Variants in PARD3B observed in about 807,000 individuals in gnomAD.
PARD3B encodes the protein par-3 family cell polarity regulator beta, also known as partitioning defective 3 homolog B.
Under a neutral mutation model 130.2 loss-of-function variants are expected in PARD3B, and 103 were observed. The observed-to-expected ratio is 0.79, with a 90% confidence interval of 0.67 to 0.93. PARD3B has a LOEUF of 0.93. Among genes scored for constraint, PARD3B ranks in the 40% least tolerant of loss-of-function variants. The pLI, the probability that PARD3B is intolerant of heterozygous loss-of-function variation, is 0.00. For missense variants in PARD3B, 1,609 were observed against 1,499.2 expected, an observed-to-expected ratio of 1.07 and a Z score of -1.21; for synonymous variants, 583 against 553.2, an observed-to-expected ratio of 1.05 and a Z score of -0.76.
At chr2:205,480,599 A>T (rs1172507991) in intron 20 of PARD3B, among the ~76,000 whole-genome samples, 1 of 152,162 alleles carries the variant, frequency 6.6e-6, no homozygotes, top group East Asian at 1.9e-4. Context: ...TGCTCAATAA[A>T]TATTTGCAAA....
chr2:204,653,585 G>T (rs1385939821), intron 1 of PARD3B, among the ~76,000 whole-genome samples: 2 of 150,724 alleles, frequency 1.3e-5, no homozygotes, highest in Non-Finnish European at 2.9e-5. Context: ...GAGGTCAGGA[G>T]TTTGAGACCA....
At chr2:204,564,039 G>T (rs903664674) in intron 1 of PARD3B, among the ~76,000 whole-genome samples, 1 of 152,196 alleles carries the variant, frequency 6.6e-6, no homozygotes, top group Non-Finnish European at 1.5e-5. Flanking sequence ...CTCCCAAAGT[G>T]CTGGGATTGC....
intron 16 of PARD3B, among the ~76,000 whole-genome samples, chr2:205,259,539 T>C (rs1291885871): frequency 6.6e-6 from 1 of 152,136 alleles, no homozygotes; most frequent in East Asian, 1.9e-4. Context: ...GGTTTTGGTG[T>C]AGATTTCTTT....
At chr2:204,964,761 C>T (rs1026606860) in intron 2 of PARD3B, among the ~76,000 whole-genome samples, 2 of 151,988 alleles carry the variant, frequency 1.3e-5, no homozygotes, top group Non-Finnish European at 2.9e-5. Flanking sequence ...CTATTTAAGT[C>T]TATTATTCAA....
chr2:204,986,083 A>G (rs1185593321), intron 3 of PARD3B, among the ~76,000 whole-genome samples: 6 of 133,206 alleles, frequency 4.5e-5, no homozygotes, highest in Non-Finnish European at 7.8e-5. Context: ...CCTGGACAAC[A>G]GAGCGAGACT....
intron 16 of PARD3B, among the ~76,000 whole-genome samples, chr2:205,264,536 A>G (rs1307776264): frequency 2.0e-5 from 3 of 151,144 alleles, no homozygotes; most frequent in Non-Finnish European, 4.4e-5. Context: ...CAGAAAAATG[A>G]GATCTTTGTT....
chr2:205,468,804 C>A (rs372965411), intron 20 of PARD3B, among the ~76,000 whole-genome samples: 3 of 152,274 alleles, frequency 2.0e-5, no homozygotes, highest in East Asian at 3.9e-4. Context: ...CCTCAAGCTC[C>A]CTACATGCAT....
intron 1 of PARD3B, among the ~76,000 whole-genome samples, chr2:204,609,225 C>A (rs2033838995): frequency 6.6e-6 from 1 of 152,130 alleles, no homozygotes; most frequent in Non-Finnish European, 1.5e-5. Context: ...CTAACATCAA[C>A]TTATTTTTTA....
chr2:204,832,775 C>T (rs1001604344), intron 2 of PARD3B, among the ~76,000 whole-genome samples: 5 of 152,132 alleles, frequency 3.3e-5, no homozygotes, highest in African/African-American at 1.2e-4. Flanking sequence ...TTCTCTCCCT[C>T]AGTGTAGTAG....
chr2:204,662,113 T>C (rs2035835353), intron 1 of PARD3B, among the ~76,000 whole-genome samples: 1 of 152,232 alleles, frequency 6.6e-6, no homozygotes, highest in Admixed American at 6.5e-5. Context: ...ATGGAACTGT[T>C]ATCCACACGT....
intron 3 of PARD3B, among the ~76,000 whole-genome samples, chr2:205,016,200 T>C (rs1401198329): frequency 6.6e-6 from 1 of 152,196 alleles, no homozygotes; most frequent in East Asian, 1.9e-4. Flanking sequence ...GGATTTAAAG[T>C]ATTCTCTAAG....
intron 2 of PARD3B, among the ~76,000 whole-genome samples, chr2:204,827,702 C>G (rs1329935374): frequency 6.6e-6 from 1 of 152,166 alleles, no homozygotes; most frequent in Non-Finnish European, 1.5e-5. Flanking sequence ...AAATTCCAAG[C>G]ACTTCAAAAA....
At chr2:205,201,504 T>C (rs2036984554) in intron 15 of PARD3B, among the ~76,000 whole-genome samples, 1 of 152,244 alleles carries the variant, frequency 6.6e-6, no homozygotes, top group Admixed American at 6.5e-5. Context: ...AGGTTCTTTT[T>C]ATTTTTTGTT....
chr2:205,335,850 C>T (rs548306549), intron 18 of PARD3B, among the ~76,000 whole-genome samples: 11 of 152,052 alleles, frequency 7.2e-5, no homozygotes, highest in South Asian at 2.1e-4. Context: ...AGGTAAGACC[C>T]GCACAGGTAA....
At chr2:205,157,130 A>T (rs1450860084) in intron 10 of PARD3B, among the ~76,000 whole-genome samples, 1 of 152,198 alleles carries the variant, frequency 6.6e-6, no homozygotes, top group East Asian at 1.9e-4. Context: ...TTGCACTTTA[A>T]TTCAGTGGAA....
chr2:205,404,220 A>G (rs1380438785), intron 19 of PARD3B, among the ~76,000 whole-genome samples: 2 of 152,236 alleles, frequency 1.3e-5, no homozygotes, highest in Non-Finnish European at 2.9e-5. Flanking sequence ...GAAATTTCAC[A>G]AAGTTCCCAA....
At chr2:204,898,120 A>T (rs1382918363) in intron 2 of PARD3B, among the ~76,000 whole-genome samples, 1 of 139,924 alleles carries the variant, frequency 7.1e-6, no homozygotes, top group Admixed American at 6.9e-5. Flanking sequence ...TTACCATAAT[A>T]AAAAAAAAAC....
chr2:204,614,541 G>A (rs1292696466), intron 1 of PARD3B, among the ~76,000 whole-genome samples: 1 of 152,108 alleles, frequency 6.6e-6, no homozygotes, highest in Admixed American at 6.6e-5. Flanking sequence ...TTAAAATAAT[G>A]CCAAAACTCA....
intron 2 of PARD3B, among the ~76,000 whole-genome samples, chr2:204,860,612 G>T (rs560754730): frequency 1.3e-5 from 2 of 152,298 alleles, no homozygotes; most frequent in East Asian, 1.9e-4. Context: ...ATTGTTAACT[G>T]CAAGGAAAGA....
Sources: gnomAD v4.1 joint callset for allele counts (sites outside exome capture counted in the v4.1 genomes callset) on GRCh38, gnomAD v4.1.1 for gene constraint, MANE v1.5 for transcripts, NCBI Gene and HGNC (gene_info 2026-07-23, HGNC 2026-07-21) for gene names.